Variants in BLVRA observed in about 807,000 individuals in gnomAD.
The protein encoded by BLVRA is biliverdin reductase A, also known as BVR A.
BLVRA carries 22 observed loss-of-function variants against 32.8 expected under a neutral mutation model. The observed-to-expected ratio is 0.67, with a 90% confidence interval of 0.48 to 0.96. BLVRA has a LOEUF of 0.96. BLVRA is among the 40% of genes least tolerant of loss of function. The probability of loss-of-function intolerance (pLI) is 0.00; values close to 1 mark genes in which losing one functional copy is unlikely to be tolerated. For synonymous variants in BLVRA, 119 were observed against 141.3 expected (o/e 0.84, Z 1.12); for missense variants, 323 against 358.1 (o/e 0.90, Z 0.79).
chr7:43,806,861 G>T (rs1387317541), intron 7 of BLVRA, 116 bp from the exon 8 acceptor site: 1 of 1,190,402 alleles, frequency 8.4e-7, no homozygotes, highest in Non-Finnish European at 1.2e-6. Context: ...GCTGGTGGCT[G>T]CAAGGAGGAT....
intron 6 of BLVRA, among the ~76,000 whole-genome samples, chr7:43,801,764 G>A (rs984408911): frequency 7.9e-5 from 12 of 152,128 alleles, no homozygotes; most frequent in African/African-American, 2.4e-4. Flanking sequence ...GTAACGTAGC[G>A]GTCATGAGAC....
At chr7:43,781,748 G>A (rs1444810831) in intron 2 of BLVRA, among the ~76,000 whole-genome samples, 1 of 152,172 alleles carries the variant, frequency 6.6e-6, no homozygotes, top group African/African-American at 2.4e-5. Flanking sequence ...AGCCCAGAAT[G>A]TGCATCCATT....
chr7:43,770,987 G>T, intron 1 of BLVRA, 151 bp from the exon 2 acceptor site: 2 of 710,398 alleles, frequency 2.8e-6, no homozygotes, highest in South Asian at 3.4e-5. Flanking sequence ...GGGTATCCTA[G>T]CTGGAAGGCA....
chr7:43,773,861 G>A (rs2095757408), intron 2 of BLVRA, among the ~76,000 whole-genome samples: 1 of 152,182 alleles, frequency 6.6e-6, no homozygotes, highest in Admixed American at 6.5e-5. Context: ...TCTTATTGTG[G>A]TTTTGATTTG....
chr7:43,765,438 G>A (rs1296849372), intron 1 of BLVRA, among the ~76,000 whole-genome samples: 1 of 152,088 alleles, frequency 6.6e-6, no homozygotes, highest in Non-Finnish European at 1.5e-5. Context: ...TTTTAGTAGA[G>A]ACACGGTTTC....
Position 43,803,956 on chromosome 7 carries a change from A to G in BLVRA, c.632+109A>G, listed in dbSNP as rs893376954. On this transcript the variant is annotated intron_variant, in intron 7 of 7. Coordinates refer to ENST00000265523, the MANE Select transcript of BLVRA (RefSeq NM_000712.4). ...GGGCTAGACCCTCACTCCCAGCTCC[A>G]GAAGGGCTGTCTGCTTCTGCAGATG... The G allele has an allele frequency of 5.4e-6, 7 of 1,294,680 alleles. No individual in the cohort carries two copies. In the African/African-American group the frequency reaches 8.8e-5, roughly 16 times the overall value. The allele number at this position is 1,294,680 out of a possible 1,614,324, so 80.2% of individuals were successfully genotyped here. A position where few individuals can be genotyped will look rare whatever the true frequency, so the allele number is the denominator to read the frequency against.
chr7:43,760,838 G>A lies in BLVRA; in HGVS notation c.-22+2104G>A, dbSNP rs141346102. On this transcript the variant is annotated intron_variant, in intron 1 of 7. Transcript: ENST00000265523. ...GGCTGGAGTGCAGTGGCGCCATCTT[G>A]GCTCACTGCAACCTCCGCCCCCTGG... Among the ~76,000 whole-genome samples the A allele has an allele frequency of 8.4e-3, 1,244 of 148,076 alleles. 22 individuals carry two copies. Among genetic ancestry groups the A allele is most frequent in the African/African-American group, 0.03 (1,194 of 39,920 alleles).
chr7:43,783,837 C>T (rs113119778), intron 2 of BLVRA, among the ~76,000 whole-genome samples: 86 of 152,208 alleles, frequency 5.7e-4, no homozygotes, highest in African/African-American at 1.6e-3. Context: ...TGGATGAAAA[C>T]GACTAGTTTG....
At chr7:43,762,882 G>A (rs563476474) in intron 1 of BLVRA, among the ~76,000 whole-genome samples, 20 of 152,132 alleles carry the variant, frequency 1.3e-4, no homozygotes, top group South Asian at 2.1e-4. Context: ...CTCCCAAAGT[G>A]CTGGGATTAC....
chr7:43,764,768 C>A (rs181580327), intron 1 of BLVRA, among the ~76,000 whole-genome samples: 3 of 151,414 alleles, frequency 2.0e-5, no homozygotes, highest in East Asian at 1.9e-4. Flanking sequence ...GAGAACCCCC[C>A]ACCCCCCGCA....
intron 1 of BLVRA, among the ~76,000 whole-genome samples, chr7:43,764,754 G>A (rs1417481123): frequency 2.0e-5 from 3 of 151,958 alleles, no homozygotes; most frequent in Non-Finnish European, 2.9e-5. Flanking sequence ...AAGTTAAACC[G>A]AAAGAGAACC....
In BLVRA at chr7:43,802,660, G is replaced by A. The variant is rs140883300; in HGVS notation, c.461-1016G>A. Among the ~76,000 whole-genome samples the A allele has an allele frequency of 1.1e-4, 16 of 152,072 alleles. No homozygotes were observed. The South Asian group carries it at 1.2e-3, about 12-fold the overall frequency. On this transcript the variant is annotated intron_variant, in intron 6 of 7. Transcript: ENST00000265523. ...GCTGCAGGTGTGCACCACGACACCC[G>A]CCTAATTTTGTGTGTTTTTTTGTAG... is the stretch of plus-strand genomic sequence containing the variant.
At chr7:43,778,390 G>A (rs899992672) in intron 2 of BLVRA, among the ~76,000 whole-genome samples, 6 of 152,322 alleles carry the variant, frequency 3.9e-5, no homozygotes, top group African/African-American at 1.4e-4. Context: ...AGGTCTGTTG[G>A]AGTTTGCTAG....
intron 1 of BLVRA, chr7:43,767,663 A>T: frequency 7.7e-6 from 5 of 651,676 alleles, no homozygotes; most frequent in Non-Finnish European, 1.3e-5. Context: ...TGGAGGGGGG[A>T]CATCTGATTT....
At position 43,803,233 on chromosome 7, in the gene BLVRA, C is replaced by T. The variant is rs562204534; in HGVS notation, c.461-443C>T. Among the ~76,000 whole-genome samples, 14 of 152,120 alleles carry T rather than the reference C, an allele frequency of 9.2e-5. No individual in the cohort carries two copies. In the South Asian group the frequency reaches 2.9e-3, roughly 32 times the overall value. ...AATACAGGCTTGCAGGGCTAAAATACTTTGATTCTTCTACTTTTACCAGAC... is the reference window on the plus strand; with the variant it reads ...AATACAGGCTTGCAGGGCTAAAATATTTTGATTCTTCTACTTTTACCAGAC... On this transcript the variant is annotated intron_variant, in intron 6 of 7. Transcript: ENST00000265523.
At chr7:43,791,180 A>G (rs746211137) in intron 3 of BLVRA, 69 bp from the exon 4 acceptor site, 74 of 1,604,648 alleles carry the variant, frequency 4.6e-5, no homozygotes, top group Admixed American at 6.7e-5. Context: ...TGTCGGGAGG[A>G]GGGGAGAAGG....
chr7:43,803,648 T>C (rs1312133645), intron 6 of BLVRA, 28 bp from the exon 7 acceptor site: 3 of 1,468,908 alleles, frequency 2.0e-6, no homozygotes, highest in South Asian at 2.2e-5. Flanking sequence ...TGCTTCCCAG[T>C]TCCCACAGCA....
chr7:43,798,324 C>T (rs188772144), intron 5 of BLVRA, among the ~76,000 whole-genome samples: 9 of 150,610 alleles, frequency 6.0e-5, no homozygotes, highest in South Asian at 4.2e-4. Flanking sequence ...TGGTGTCTGA[C>T]GGGCTTTTCC....
At chr7:43,764,457 C>T (rs986260770) in intron 1 of BLVRA, among the ~76,000 whole-genome samples, 2 of 152,178 alleles carry the variant, frequency 1.3e-5, no homozygotes, top group African/African-American at 2.4e-5. Context: ...AAGTAATTGA[C>T]CTCATCTCAT....
Sources: gnomAD v4.1 joint callset for allele counts (sites outside exome capture counted in the v4.1 genomes callset) on GRCh38, gnomAD v4.1.1 for gene constraint, MANE v1.5 for transcripts, NCBI Gene and HGNC (gene_info 2026-07-23, HGNC 2026-07-21) for gene names.